RGPD4: variants seen among roughly 807,000 people sequenced by gnomAD.
RGPD4 encodes the protein RANBP2 like and GRIP domain containing 4, also known as ranBP2-like and GRIP domain-containing protein 4.
In RGPD4, 84 loss-of-function variants were observed where a neutral mutation model predicts 141.1. The ratio of observed to expected loss-of-function variants is 0.60; its 90% CI spans 0.50 to 0.71. The LOEUF is 0.71. RGPD4 is among the 30% of genes least tolerant of loss of function. RGPD4 has a pLI of 0.00. For synonymous variants in RGPD4, 298 were observed against 566.8 expected, an observed-to-expected ratio of 0.53 and a Z score of 6.74; for missense variants, 918 against 1,622.4, an observed-to-expected ratio of 0.57 and a Z score of 7.46.
chr2:107,886,675 A>G (rs1166487457), intron 22 of RGPD4, among the ~76,000 whole-genome samples: 2 of 152,100 alleles, frequency 1.3e-5, no homozygotes, highest in Admixed American at 1.3e-4. Flanking sequence ...CTAGGGGGGC[A>G]TTTTGTTACC....
rs759589270 is a variant in RGPD4, at chr2:107,882,835, G to T, written c.5228G>T (p.Ser1743Ile). ...GTTATAAATACGATGTTGCAGCTCA[G>T]CCCTGAAGAAAAGGGAAAACTTGCT... ...LPVINTMLQL[S>I]PEEKGKLAAV... Residue 1743 changes from serine (S) to isoleucine (I), a missense_variant, in exon 22 of 23, where the codon AGC (serine) becomes ATC (isoleucine). Transcript: ENST00000408999. 2.5e-6 allele frequency: 4 copies of T among 1,610,248 alleles called. No homozygotes were observed. Among genetic ancestry groups the T allele is most frequent in the Admixed American group, 1.7e-5 (1 of 59,898 alleles).
intron 20 of RGPD4, among the ~76,000 whole-genome samples, chr2:107,877,756 T>A (rs1308688449): frequency 6.6e-6 from 1 of 151,800 alleles, no homozygotes; most frequent in Non-Finnish European, 1.5e-5. Flanking sequence ...TAGCAATTAA[T>A]TTATAGCTGC....
chr2:107,885,948 G>T (rs1298420574), intron 22 of RGPD4, among the ~76,000 whole-genome samples: 1 of 151,684 alleles, frequency 6.6e-6, no homozygotes, highest in Non-Finnish European at 1.5e-5. Flanking sequence ...AGCTACTTGG[G>T]AGGCTGAGGT....
In RGPD4 at chr2:107,844,771, T is replaced by C. The variant is rs574126711; in HGVS notation, c.782+1041T>C. On this transcript the variant is annotated intron_variant, in intron 6 of 22. Transcript: ENST00000408999. ...TCACAAGTTCCTTTTACATTTTTCT[T>C]AAGGACATCAAAGATGTTTGTATGT... Among the ~76,000 whole-genome samples the C allele has an allele frequency of 3.9e-3, 489 of 124,226 alleles. 5 individuals carry two copies. The highest frequency in any genetic ancestry group is 0.014 in the African/African-American group (461 of 32,820). The allele number at this position is 124,226 out of a possible 152,430, so 81.5% of individuals were successfully genotyped here.
chr2:107,828,116 C>G (rs866087314), intron 1 of RGPD4, among the ~76,000 whole-genome samples: 10 of 8,530 alleles, frequency 1.2e-3, no homozygotes, highest in Admixed American at 1.7e-3. Context: ...GCGGCGGCCT[C>G]GACCTGGCCC....
intron 9 of RGPD4, among the ~76,000 whole-genome samples, chr2:107,857,666 C>T (rs958591124): frequency 5.3e-5 from 8 of 151,758 alleles, no homozygotes; most frequent in Admixed American, 2.6e-4. Context: ...AACTCCTAGG[C>T]TCAAGTGATC....
intron 1 of RGPD4, among the ~76,000 whole-genome samples, chr2:107,834,821 T>C (rs1681616437): frequency 1.0e-5 from 1 of 97,438 alleles, no homozygotes; most frequent in Admixed American, 1.1e-4. Context: ...TTTGTGCTAG[T>C]TTTGTTGTGA....
In RGPD4 at chr2:107,827,552, G is replaced by A. The variant is rs557577058; in HGVS notation, c.72+467G>A. ...GGCTCAGGCGTCATGGCTCCCGACG[G>A]GCGCTGCTCCCTGGCGCGCTCTGTT... is the stretch of plus-strand genomic sequence containing the variant. On this transcript the variant is annotated intron_variant, in intron 1 of 22. Transcript: ENST00000408999. Among the ~76,000 whole-genome samples the A allele has an allele frequency of 2.3e-4, 11 of 48,720 alleles. No homozygotes were observed. The South Asian group carries it at 8.8e-3, about 39-fold the overall frequency. The allele number at this position is 48,720 out of a possible 152,430, so 32.0% of individuals were successfully genotyped here.
At chr2:107,887,146 G>A (rs1675536940) in intron 22 of RGPD4, among the ~76,000 whole-genome samples, 1 of 151,546 alleles carries the variant, frequency 6.6e-6, no homozygotes. Flanking sequence ...GGAGGCTAAG[G>A]CAGCAGGATT....
At chr2:107,829,644 T>A (rs1172809480) in intron 1 of RGPD4, among the ~76,000 whole-genome samples, 1 of 152,012 alleles carries the variant, frequency 6.6e-6, no homozygotes, top group Non-Finnish European at 1.5e-5. Flanking sequence ...GGCGCAGTCC[T>A]GTGGGCGGCG....
Position 107,880,036 on chromosome 2 carries a change from A to G in RGPD4, c.4993A>G (p.Ser1665Gly), listed in dbSNP as rs1338928475. The change falls in exon 21 of 23, where the codon AGT becomes GGT. Residue 1665 changes from serine to glycine, a missense_variant. Physicochemically the swap from Ser to Gly is moderately conservative, Grantham distance 56. Coordinates refer to ENST00000408999, the MANE Select transcript of RGPD4 (RefSeq NM_182588.3). ...TCAGAAGCTCAGTTCCACCACAAAA[A>G]GTGCAGATCACTTAAACGGCCTGCT... Reference protein sequence around the residue: ...LVQKLSSTTKSADHLNGLLRE... With the variant: ...LVQKLSSTTKGADHLNGLLRE... 2.2e-5 allele frequency: 35 copies of G among 1,611,376 alleles called. No individual in the cohort carries two copies. Among genetic ancestry groups the G allele is most frequent in the Admixed American group, 8.3e-5 (5 of 59,966 alleles).
intron 20 of RGPD4, among the ~76,000 whole-genome samples, chr2:107,875,455 C>T (rs1474437391): frequency 7.5e-6 from 1 of 133,720 alleles, no homozygotes; most frequent in African/African-American, 3.0e-5. Flanking sequence ...GCTAGGCTAC[C>T]ATATTGGACA....
At chr2:107,886,800 C>A (rs560897224) in intron 22 of RGPD4, among the ~76,000 whole-genome samples, 1 of 152,148 alleles carries the variant, frequency 6.6e-6, no homozygotes, top group Admixed American at 6.5e-5. Context: ...AAACAAGTAC[C>A]TTTTACCTCT....
chr2:107,849,368 T>A (rs1573484174), intron 7 of RGPD4, among the ~76,000 whole-genome samples: 1 of 130,932 alleles, frequency 7.6e-6, no homozygotes, highest in South Asian at 2.6e-4. Context: ...TGGCCTTTTT[T>A]TTTTTTTTTT....
chr2:107,858,090 C>G (rs943042523), intron 9 of RGPD4, among the ~76,000 whole-genome samples: 2 of 151,922 alleles, frequency 1.3e-5, no homozygotes, highest in Non-Finnish European at 2.9e-5. Flanking sequence ...TTCATGAATT[C>G]TCTCCCATAG....
At chr2:107,877,756 T>C (rs1308688449) in intron 20 of RGPD4, among the ~76,000 whole-genome samples, 1 of 151,800 alleles carries the variant, frequency 6.6e-6, no homozygotes, top group Non-Finnish European at 1.5e-5. Context: ...TAGCAATTAA[T>C]TTATAGCTGC....
chr2:107,880,309 G>C (rs565362077), intron 21 of RGPD4, among the ~76,000 whole-genome samples: 5 of 114,076 alleles, frequency 4.4e-5, no homozygotes, highest in African/African-American at 1.8e-4. Context: ...TGTCACGCAG[G>C]CTGGAGTGCA....
At chr2:107,875,282 T>C (rs1683057661) in intron 20 of RGPD4, among the ~76,000 whole-genome samples, 1 of 60,764 alleles carries the variant, frequency 1.6e-5, no homozygotes, top group Non-Finnish European at 3.5e-5. Flanking sequence ...ATTTAACTCA[T>C]TATGTCCAGA....
chr2:107,876,481 G>A (rs1683095832), intron 20 of RGPD4, among the ~76,000 whole-genome samples: 1 of 151,510 alleles, frequency 6.6e-6, no homozygotes, highest in Non-Finnish European at 1.5e-5. Flanking sequence ...AGAAACATTA[G>A]CTAGAGCAAG....
Sources: gnomAD v4.1 joint callset for allele counts (sites outside exome capture counted in the v4.1 genomes callset) on GRCh38, gnomAD v4.1.1 for gene constraint, MANE v1.5 for transcripts, NCBI Gene and HGNC (gene_info 2026-07-23, HGNC 2026-07-21) for gene names.